ADAMTSL3: variants seen among roughly 807,000 people sequenced by gnomAD.
ADAMTSL3 encodes the protein ADAMTS-like protein 3.
In ADAMTSL3, 128 loss-of-function variants were observed where a neutral mutation model predicts 201.7. That is an observed-to-expected ratio of 0.63 (90% confidence interval 0.55 to 0.73). The LOEUF is 0.73. ADAMTSL3 is among the 30% of genes least tolerant of loss of function. The pLI is 0.00. For missense variants in ADAMTSL3, 1,990 were observed against 2,119.6 expected (o/e 0.94, Z 1.20); for synonymous variants, 738 against 748.4 (o/e 0.99, Z 0.23).
chr15:84,037,412 A>G (rs1461439510), intron 29 of ADAMTSL3, among the ~76,000 whole-genome samples: 24 of 152,164 alleles, frequency 1.6e-4, no homozygotes, highest in Admixed American at 1.5e-3. Context: ...AAGTTTTTCA[A>G]GGAGTCCATG....
At chr15:83,869,719 A>T (rs186622602) in intron 8 of ADAMTSL3, among the ~76,000 whole-genome samples, 30 of 152,302 alleles carry the variant, frequency 2.0e-4, no homozygotes, top group African/African-American at 2.9e-4. Flanking sequence ...TTGACACTCA[A>T]CGGAGTTTTG....
intron 16 of ADAMTSL3, among the ~76,000 whole-genome samples, chr15:83,914,832 G>GT (rs2065999750): frequency 6.9e-6 from 1 of 143,938 alleles, no homozygotes; most frequent in Non-Finnish European, 1.5e-5. Context: ...TTTGTTTGTT[G>GT]TTTTTTGTTT....
At chr15:83,950,245 T>A (rs1200768272) in intron 19 of ADAMTSL3, among the ~76,000 whole-genome samples, 1 of 152,050 alleles carries the variant, frequency 6.6e-6, no homozygotes, top group Non-Finnish European at 1.5e-5. Flanking sequence ...TTTCCCAGCA[T>A]CATTTATTGA....
chr15:83,820,620 T>C (rs925703653), intron 6 of ADAMTSL3, among the ~76,000 whole-genome samples: 1 of 152,214 alleles, frequency 6.6e-6, no homozygotes, highest in Admixed American at 6.5e-5. Flanking sequence ...TAAGCTTTCT[T>C]ATTAAAATTA....
At chr15:83,775,530 T>C (rs1198105529) in intron 4 of ADAMTSL3, among the ~76,000 whole-genome samples, 1 of 152,150 alleles carries the variant, frequency 6.6e-6, no homozygotes, top group African/African-American at 2.4e-5. Context: ...AAGTGATATA[T>C]CTCCAGAAGG....
chr15:83,764,073 C>G (rs2086823278), intron 3 of ADAMTSL3, among the ~76,000 whole-genome samples: 1 of 152,206 alleles, frequency 6.6e-6, no homozygotes, highest in Non-Finnish European at 1.5e-5. Context: ...CTAACATCTC[C>G]TTTCTTCCTG....
intron 5 of ADAMTSL3, among the ~76,000 whole-genome samples, chr15:83,816,847 T>A (rs2063779343): frequency 6.6e-6 from 1 of 152,094 alleles, no homozygotes; most frequent in South Asian, 2.1e-4. Context: ...CTACAAAAAA[T>A]TAGCTGGATG....
chr15:84,036,455 T>C (rs1005092898), intron 28 of ADAMTSL3, among the ~76,000 whole-genome samples: 1 of 152,210 alleles, frequency 6.6e-6, no homozygotes, highest in East Asian at 1.9e-4. Context: ...CTTGCCAAAA[T>C]TGATTTCTTC....
chr15:83,866,361 A>G (rs1450406683), intron 8 of ADAMTSL3, among the ~76,000 whole-genome samples: 4 of 152,224 alleles, frequency 2.6e-5, no homozygotes, highest in Admixed American at 2.0e-4. Flanking sequence ...AACCAACCCA[A>G]ATGTGTAACA....
intron 15 of ADAMTSL3, among the ~76,000 whole-genome samples, chr15:83,906,615 CCACACACCACACACACACACA>C (rs1351974451): frequency 0.049 from 6,949 of 142,406 alleles, 316 homozygotes; most frequent in Middle Eastern, 0.11. Flanking sequence ...TTATATAGTG[CCACACACCACACACACACACA>C]CACACACACA....
chr15:83,674,535 T>A (rs375210499), intron 2 of ADAMTSL3, among the ~76,000 whole-genome samples: 1 of 151,774 alleles, frequency 6.6e-6, no homozygotes, highest in East Asian at 1.9e-4. Context: ...CAGTAAGTCT[T>A]AGAGTGATTC....
intron 2 of ADAMTSL3, among the ~76,000 whole-genome samples, chr15:83,672,902 G>A (rs1296584930): frequency 1.3e-5 from 2 of 152,208 alleles, no homozygotes; most frequent in African/African-American, 4.8e-5. Flanking sequence ...TAGACCGGTG[G>A]CTTTGAGCTG....
chr15:84,015,910 T>C (rs1472653268), intron 24 of ADAMTSL3, among the ~76,000 whole-genome samples: 1 of 152,206 alleles, frequency 6.6e-6, no homozygotes, highest in Non-Finnish European at 1.5e-5. Flanking sequence ...GGTAACTTGA[T>C]GGAGAGGTCA....
intron 24 of ADAMTSL3, among the ~76,000 whole-genome samples, chr15:84,015,328 T>C (rs918348435): frequency 3.9e-5 from 6 of 152,170 alleles, no homozygotes; most frequent in African/African-American, 1.2e-4. Flanking sequence ...AATCCATTGC[T>C]AAACCAAGAG....
intron 17 of ADAMTSL3, 68 bp downstream of exon 17, chr15:83,924,101 C>T (rs1032772103): frequency 6.4e-7 from 1 of 1,574,786 alleles, no homozygotes; most frequent in Non-Finnish European, 8.6e-7. Context: ...GCAGAGAAAC[C>T]CACCTAAGTG....
At chr15:84,026,076 T>G (rs2068300556) in intron 27 of ADAMTSL3, among the ~76,000 whole-genome samples, 1 of 152,202 alleles carries the variant, frequency 6.6e-6, no homozygotes, top group Non-Finnish European at 1.5e-5. Context: ...TAAATTTTTA[T>G]TTTAAAAAAG....
rs1380862050 is a variant in ADAMTSL3, at chr15:83,680,510, G to GT, written c.70-23877dup. ...AATTTTTGATTGGCACACCTTAGTTGTTGTTTTTTTTTTTTTTGACTTAGG... is the reference window on the plus strand; with the variant it reads ...AATTTTTGATTGGCACACCTTAGTTGTTTGTTTTTTTTTTTTTTGACTTAGG... On this transcript the variant is annotated intron_variant, in intron 2 of 29. Coordinates refer to ENST00000286744, the MANE Select transcript of ADAMTSL3 (RefSeq NM_207517.3). Among the ~76,000 whole-genome samples the GT allele has an allele frequency of 2.5e-3, 286 of 114,384 alleles. 6 individuals carry two copies. In the East Asian group the frequency reaches 0.03, roughly 12 times the overall value. 75.0% of individuals were successfully genotyped at this position (114,384 alleles called of 152,430 possible).
In ADAMTSL3 at chr15:83,919,959, C is replaced by T. The variant is rs2066106336; in HGVS notation, c.1988-3945C>T. 5.3e-5 allele frequency among the ~76,000 whole-genome samples: 8 copies of T among 152,154 alleles called. No homozygotes were observed. The South Asian group carries it at 1.7e-3, about 32-fold the overall frequency. On this transcript the variant is annotated intron_variant, in intron 16 of 29. Transcript: ENST00000286744. ...ATCTGGTTGTTTCTGTGCTTTTGTG[C>T]ATATGAATATTTGCTGAAAGTGATT...
chr15:83,890,125 T>C lies in ADAMTSL3; in HGVS notation c.1089T>C (p.Ser363=), dbSNP rs760046675. 4 of 1,613,470 alleles carry C rather than the reference T, an allele frequency of 2.5e-6. No homozygotes were observed. The highest frequency in any genetic ancestry group is 3.4e-6 in the Non-Finnish European group (4 of 1,179,710). ...VTCGGGYQLN[S]AECVDIRLKR... is the part of the protein sequence containing the mutation. ...ACACTTTAGGTTATCAGCTCAATTCTGCTGAATGTGTGGATATCCGCTTGA... is the reference window on the plus strand; with the variant it reads ...ACACTTTAGGTTATCAGCTCAATTCCGCTGAATGTGTGGATATCCGCTTGA... Residue 363 remains serine (S), a synonymous_variant, in exon 11 of 30, where the codon TCT becomes TCC. Coordinates refer to ENST00000286744, the MANE Select transcript of ADAMTSL3 (RefSeq NM_207517.3).
Sources: allele counts gnomAD v4.1 joint callset (sites outside exome capture counted in the v4.1 genomes callset), GRCh38; gene constraint gnomAD v4.1.1; transcripts MANE v1.5; gene names NCBI Gene and HGNC (gene_info 2026-07-23, HGNC 2026-07-21).